The following DNM3 variants were observed in gnomAD, a reference collection of about 807,000 sequenced individuals.
DNM3 encodes dynamin 3, also known as dynamin-3.
A neutral mutation model predicts 101.6 loss-of-function variants in DNM3; 47 were observed. The ratio of observed to expected loss-of-function variants is 0.46; its 90% CI spans 0.37 to 0.59. The LOEUF is 0.59. DNM3 is among the 20% of genes least tolerant of loss of function. The pLI is 0.00. For missense variants in DNM3, 849 were observed against 1,085.7 expected (o/e 0.78, Z 3.06); for synonymous variants, 385 against 387.9 (o/e 0.99, Z 0.09).
chr1:172,417,947 C>T (rs1178002250), intron 20 of DNM3, among the ~76,000 whole-genome samples: 4 of 152,170 alleles, frequency 2.6e-5, no homozygotes, highest in African/African-American at 4.8e-5. Flanking sequence ...GTATTTGGCT[C>T]GGGGACTAGT....
intron 1 of DNM3, among the ~76,000 whole-genome samples, chr1:171,845,735 G>T (rs754279728): frequency 4.6e-5 from 7 of 152,206 alleles, no homozygotes; most frequent in Non-Finnish European, 7.3e-5. Flanking sequence ...GTTTTAAAAT[G>T]TAATTGGATT....
intron 1 of DNM3, among the ~76,000 whole-genome samples, chr1:171,845,127 G>T (rs926787777): frequency 6.6e-6 from 1 of 152,156 alleles, no homozygotes; most frequent in Admixed American, 6.5e-5. Flanking sequence ...TCAACTAGAG[G>T]TGTTGATGAC....
chr1:172,114,338 A>T (rs192929827), intron 13 of DNM3, among the ~76,000 whole-genome samples: 5 of 152,330 alleles, frequency 3.3e-5, no homozygotes, highest in Admixed American at 1.3e-4. Flanking sequence ...TGCGGCTGAA[A>T]CATGTGGCAA....
At chr1:172,076,771 A>G (rs1351702882) in intron 11 of DNM3, among the ~76,000 whole-genome samples, 1 of 152,016 alleles carries the variant, frequency 6.6e-6, no homozygotes, top group Admixed American at 6.6e-5. Context: ...TTGGCCTGAA[A>G]TTTTCTTTTT....
chr1:172,194,678 G>A (rs1307865780), intron 14 of DNM3, among the ~76,000 whole-genome samples: 1 of 151,984 alleles, frequency 6.6e-6, no homozygotes, highest in Non-Finnish European at 1.5e-5. Context: ...GACTAGGATT[G>A]CAACCCCTAC....
At chr1:172,121,125 C>T (rs1224124805) in intron 13 of DNM3, among the ~76,000 whole-genome samples, 1 of 152,144 alleles carries the variant, frequency 6.6e-6, no homozygotes, top group Admixed American at 6.5e-5. Context: ...AGTTCTCATT[C>T]TGTTTTGTAT....
intron 13 of DNM3, among the ~76,000 whole-genome samples, chr1:172,116,487 G>T (rs1487006462): frequency 8.5e-5 from 13 of 152,196 alleles, no homozygotes; most frequent in Admixed American, 8.5e-4. Flanking sequence ...AGCCAGTCCA[G>T]CATGGAGTGG....
intron 14 of DNM3, among the ~76,000 whole-genome samples, chr1:172,178,734 T>C (rs189232533): frequency 2.0e-5 from 3 of 151,934 alleles, no homozygotes; most frequent in Admixed American, 2.0e-4. Context: ...GAGATATCAA[T>C]GAAAGGAAGA....
At chr1:171,919,157 A>AT (rs912727774) in intron 1 of DNM3, among the ~76,000 whole-genome samples, 5 of 150,678 alleles carry the variant, frequency 3.3e-5, no homozygotes, top group Admixed American at 1.3e-4. Flanking sequence ...CCTGACTTAA[A>AT]TTTTTTTTAT....
chr1:172,311,913 G>A (rs377225678), intron 16 of DNM3, among the ~76,000 whole-genome samples: 1 of 152,192 alleles, frequency 6.6e-6, no homozygotes, highest in African/African-American at 2.4e-5. Flanking sequence ...ATTTAGCAGT[G>A]TGCGATGATA....
At chr1:172,364,540 T>C (rs371789944) in intron 17 of DNM3, among the ~76,000 whole-genome samples, 1 of 151,864 alleles carries the variant, frequency 6.6e-6, no homozygotes, top group Non-Finnish European at 1.5e-5. Context: ...AAAAAATTTT[T>C]AATAACAAAT....
chr1:172,191,122 T>A (rs1445253157), intron 14 of DNM3, among the ~76,000 whole-genome samples: 3 of 152,136 alleles, frequency 2.0e-5, no homozygotes, highest in Non-Finnish European at 1.5e-5. Context: ...ATTGCCTAGG[T>A]TTTTTTCTGG....
chr1:172,116,479 C>G (rs1450633588), intron 13 of DNM3, among the ~76,000 whole-genome samples: 2 of 152,190 alleles, frequency 1.3e-5, no homozygotes, highest in African/African-American at 4.8e-5. Context: ...GAATCCAAAG[C>G]CAGTCCAGCA....
intron 1 of DNM3, among the ~76,000 whole-genome samples, chr1:171,849,316 C>T (rs1359874006): frequency 2.0e-5 from 3 of 152,212 alleles, no homozygotes; most frequent in Non-Finnish European, 4.4e-5. Context: ...CTCACTTGGC[C>T]TCAGTTCCTT....
At chr1:172,037,500 A>G (rs1161640880) in intron 6 of DNM3, among the ~76,000 whole-genome samples, 2 of 152,326 alleles carry the variant, frequency 1.3e-5, no homozygotes, top group Non-Finnish European at 2.9e-5. Flanking sequence ...TTTCAAGTTC[A>G]TCACTTAGGA....
intron 1 of DNM3, among the ~76,000 whole-genome samples, chr1:171,851,975 A>C (rs2033032701): frequency 6.6e-6 from 1 of 152,228 alleles, no homozygotes; most frequent in Non-Finnish European, 1.5e-5. Context: ...ACTTCTAGTC[A>C]TTTATTTGGT....
chr1:172,186,581 A>T (rs921755119), intron 14 of DNM3, among the ~76,000 whole-genome samples: 1 of 152,174 alleles, frequency 6.6e-6, no homozygotes, highest in Middle Eastern at 3.4e-3. Flanking sequence ...AGAGGTCCAG[A>T]ATCCAGGCAT....
intron 7 of DNM3, 98 bp from the exon 8 acceptor site, chr1:172,041,911 C>G (rs1347832175): frequency 1.4e-6 from 2 of 1,395,026 alleles, no homozygotes; most frequent in African/African-American, 1.4e-5. Context: ...CTAAGAGCAC[C>G]TGGAAAAGGA....
chr1:171,921,900 A>G, intron 2 of DNM3, 79 bp downstream of exon 2: 1 of 1,319,598 alleles, frequency 7.6e-7, no homozygotes, highest in Non-Finnish European at 1.1e-6. Flanking sequence ...GGATTGTACA[A>G]ATAGAAACGT....
Sources: allele counts gnomAD v4.1 joint callset (sites outside exome capture counted in the v4.1 genomes callset), GRCh38; gene constraint gnomAD v4.1.1; transcripts MANE v1.5; gene names NCBI Gene and HGNC (gene_info 2026-07-23, HGNC 2026-07-21).